KLHL29: variants seen among roughly 807,000 people sequenced by gnomAD.
The protein encoded by KLHL29 is kelch-like protein 29.
A neutral mutation model predicts 80.4 loss-of-function variants in KLHL29; 21 were observed. The observed-to-expected ratio is 0.26, with a 90% CI of 0.19 to 0.38. The LOEUF (loss-of-function observed/expected upper bound fraction) is 0.38. KLHL29 is among the 10% of genes least tolerant of loss of function. The pLI, the probability that KLHL29 is intolerant of heterozygous loss-of-function variation, is 1.00. For synonymous variants in KLHL29, 511 were observed against 526.8 expected, an observed-to-expected ratio of 0.97 and a Z score of 0.41; for missense variants, 867 against 1,223.9, an observed-to-expected ratio of 0.71 and a Z score of 4.35.
At chr2:23,418,071 A>G (rs922326342) in intron 1 of KLHL29, among the ~76,000 whole-genome samples, 2 of 152,180 alleles carry the variant, frequency 1.3e-5, no homozygotes, top group Non-Finnish European at 2.9e-5. Context: ...AGTCCCTGGC[A>G]TATTGTAGAC....
chr2:23,513,544 T>C (rs913960899), intron 2 of KLHL29, among the ~76,000 whole-genome samples: 10 of 152,200 alleles, frequency 6.6e-5, no homozygotes, highest in Non-Finnish European at 1.5e-4. Context: ...CTCAAATGCA[T>C]TGTTTAAACT....
chr2:23,673,398 G>A (rs1014470493), intron 5 of KLHL29, among the ~76,000 whole-genome samples: 2 of 144,430 alleles, frequency 1.4e-5, no homozygotes, highest in African/African-American at 5.2e-5. Flanking sequence ...CCACGTGCTT[G>A]CATGTACATA....
Position 23,569,840 on chromosome 2 carries a change from G to C in KLHL29, c.285+7359G>C, listed in dbSNP as rs367930002. ...TGAGGGAATGTCCTCAATGAAACCA[G>C]ACTGACCCTATCCTTGTTCTTCTTA... On this transcript the variant is annotated intron_variant, in intron 3 of 13. Coordinates refer to ENST00000486442, the MANE Select transcript of KLHL29 (RefSeq NM_052920.2). Among the ~76,000 whole-genome samples, 33 of 152,300 alleles carry C rather than the reference G, an allele frequency of 2.2e-4. No homozygotes were observed. The East Asian group carries it at 5.6e-3, about 26-fold the overall frequency.
chr2:23,443,194 C>CAT (rs1251131807), intron 1 of KLHL29, among the ~76,000 whole-genome samples: 5 of 152,108 alleles, frequency 3.3e-5, no homozygotes, highest in Non-Finnish European at 7.3e-5. Flanking sequence ...TTTATATGTG[C>CAT]ATGCATATCT....
At chr2:23,685,866 T>A (rs1490064156) in intron 6 of KLHL29, among the ~76,000 whole-genome samples, 5 of 152,154 alleles carry the variant, frequency 3.3e-5, no homozygotes, top group Non-Finnish European at 7.4e-5. Context: ...GGATCATGGA[T>A]GAGCGTCCTA....
At chr2:23,502,449 A>G (rs867809847) in intron 2 of KLHL29, among the ~76,000 whole-genome samples, 78 of 152,174 alleles carry the variant, frequency 5.1e-4, no homozygotes, top group African/African-American at 1.8e-3. Context: ...CTCTCCCCAC[A>G]CCTACCACCC....
intron 3 of KLHL29, among the ~76,000 whole-genome samples, chr2:23,637,916 C>T (rs542129990): frequency 6.6e-6 from 1 of 152,220 alleles, no homozygotes; most frequent in Admixed American, 6.5e-5. Flanking sequence ...GTATCCACCC[C>T]TCATCCCACA....
intron 1 of KLHL29, among the ~76,000 whole-genome samples, chr2:23,386,762 C>T (rs989608124): frequency 6.6e-6 from 1 of 152,020 alleles, no homozygotes; most frequent in Non-Finnish European, 1.5e-5. Flanking sequence ...GGGACGTGCT[C>T]GCCTGGGGCC....
rs559655757 is a variant in KLHL29 at position 23,493,106 on chromosome 2, C to G, written c.-46+17439C>G. Among the ~76,000 whole-genome samples, 6 of 152,346 alleles carry G rather than the reference C, an allele frequency of 3.9e-5. 1 individual carries two copies. Among genetic ancestry groups the G allele is most frequent in the African/African-American group, 1.4e-4 (6 of 41,578 alleles). On this transcript the variant is annotated intron_variant, in intron 2 of 13. Coordinates refer to ENST00000486442, the MANE Select transcript of KLHL29 (RefSeq NM_052920.2). ...CACAGCCCTGTCGTCTTTGCCCTGCCTCCCGCACAGGAATGACGTAAGGTA... is the reference window on the plus strand; with the variant it reads ...CACAGCCCTGTCGTCTTTGCCCTGCGTCCCGCACAGGAATGACGTAAGGTA...
intron 2 of KLHL29, among the ~76,000 whole-genome samples, chr2:23,480,299 C>T (rs1217448710): frequency 6.6e-6 from 1 of 152,212 alleles, no homozygotes; most frequent in East Asian, 1.9e-4. Context: ...CCAGCCTGGC[C>T]AACATGGTGA....
At chr2:23,620,476 A>C (rs1313427901) in intron 3 of KLHL29, among the ~76,000 whole-genome samples, 1 of 152,274 alleles carries the variant, frequency 6.6e-6, no homozygotes, top group East Asian at 1.9e-4. Flanking sequence ...GGCATCGGCA[A>C]GGCTGCTGGG....
At chr2:23,530,639 A>G (rs1027394045) in intron 2 of KLHL29, among the ~76,000 whole-genome samples, 1 of 152,198 alleles carries the variant, frequency 6.6e-6, no homozygotes, top group African/African-American at 2.4e-5. Flanking sequence ...ATATTTTTCA[A>G]TGCAGTAAGT....
chr2:23,510,980 C>T (rs116540349), intron 2 of KLHL29, among the ~76,000 whole-genome samples: 111 of 152,266 alleles, frequency 7.3e-4, no homozygotes, highest in African/African-American at 2.7e-3. Flanking sequence ...GCTGTGGATG[C>T]TGTATTAGTT....
chr2:23,612,410 A>AT (rs965567381), intron 3 of KLHL29, among the ~76,000 whole-genome samples: 3 of 152,166 alleles, frequency 2.0e-5, no homozygotes, highest in Non-Finnish European at 1.5e-5. Flanking sequence ...CAAAAATAAG[A>AT]TTTTTTTAAA....
At chr2:23,525,214 A>G (rs569094381) in intron 2 of KLHL29, among the ~76,000 whole-genome samples, 2 of 152,348 alleles carry the variant, frequency 1.3e-5, no homozygotes, top group South Asian at 4.1e-4. Context: ...GACTGAGAAT[A>G]CAGGCTAAGG....
At chr2:23,489,933 A>G (rs1325058862) in intron 2 of KLHL29, among the ~76,000 whole-genome samples, 13 of 152,184 alleles carry the variant, frequency 8.5e-5, no homozygotes, top group Non-Finnish European at 2.9e-5. Flanking sequence ...TGTCCACTCT[A>G]GGTTCCACAT....
At position 23,642,582 on chromosome 2, in the gene KLHL29, G is replaced by A; in HGVS notation, c.672G>A (p.Gln224=). Reference sequence around the variant, plus strand: ...GCGTGGTGGTCAACATGCCTGCCCAGGCCCTGTATGCCAGCCCTCAGCCCC... The same window carrying A: ...GCGTGGTGGTCAACATGCCTGCCCAAGCCCTGTATGCCAGCCCTCAGCCCC... ...LSSVVVNMPA[Q]ALYASPQPLA... Residue 224 remains glutamine, a synonymous_variant, in exon 5 of 14, where the codon CAG becomes CAA. Coordinates refer to ENST00000486442, the MANE Select transcript of KLHL29 (RefSeq NM_052920.2). 6 of 1,549,988 alleles carry A rather than the reference G, an allele frequency of 3.9e-6. No homozygotes were observed. Among genetic ancestry groups the A allele is most frequent in the Non-Finnish European group, 4.4e-6 (5 of 1,146,500 alleles).
chr2:23,555,978 C>T (rs565131877), intron 2 of KLHL29, among the ~76,000 whole-genome samples: 1 of 152,336 alleles, frequency 6.6e-6, no homozygotes, highest in East Asian at 1.9e-4. Context: ...CAGCATGTGG[C>T]TCTGAAGGGG....
In KLHL29 at chr2:23,562,204, G is replaced by A. The variant is rs746934947; in HGVS notation, c.8G>A (p.Arg3Gln). 6.8e-5 allele frequency: 105 copies of A among 1,550,438 alleles called. No individual in the cohort carries two copies. Among genetic ancestry groups the A allele is most frequent in the Non-Finnish European group, 8.3e-5 (95 of 1,146,972 alleles). Reference sequence around the variant, plus strand: ...CCGCCTCGGCCCACCGAGATGTCCCGGCACCATAGCCGCTTCGAAAGAGAT... The same window carrying A: ...CCGCCTCGGCCCACCGAGATGTCCCAGCACCATAGCCGCTTCGAAAGAGAT... MS[R>Q]HHSRFERDYR... The change falls in exon 3 of 14, where the codon CGG (arginine) becomes CAG (glutamine). Residue 3 changes from arginine (R) to glutamine (Q), a missense_variant. Arg to Gln is a conservative substitution (Grantham distance 43). Coordinates refer to ENST00000486442, the MANE Select transcript of KLHL29 (RefSeq NM_052920.2). The surrounding 1 kb of genome is among the most constrained non-coding windows in gnomAD (Gnocchi z 4.5).
Sources: allele counts gnomAD v4.1 joint callset (sites outside exome capture counted in the v4.1 genomes callset), GRCh38; gene constraint gnomAD v4.1.1; non-coding constraint Gnocchi (gnomAD v3.1); transcripts MANE v1.5; gene names NCBI Gene and HGNC (gene_info 2026-07-23, HGNC 2026-07-21).